Variants in CLCN7 observed in about 807,000 individuals in gnomAD.
CLCN7 encodes H(+)/Cl(-) exchange transporter 7.
Under a neutral mutation model 102.1 loss-of-function variants are expected in CLCN7, and 60 were observed. That is an observed-to-expected ratio of 0.59 (90% CI 0.48 to 0.73). The LOEUF is 0.73. Ranked by LOEUF, CLCN7 falls within the 30% of genes least tolerant of loss-of-function variation. The pLI is 0.00. For missense variants in CLCN7, 962 were observed against 1,125.7 expected (o/e 0.85, Z 2.08); for synonymous variants, 560 against 490.5 (o/e 1.14, Z -1.87).
chr16:1,455,711 A>G lies in CLCN7; in HGVS notation c.981+20T>C. ...GCAGCATGCACCCTGATCAGGAGGC[A>G]GCCATCAGCAGGAACTTACGATCCT... On this transcript the variant is annotated intron_variant, in intron 11 of 24. Transcript: ENST00000382745. The G allele has an allele frequency of 6.2e-7, 1 of 1,612,884 alleles. No homozygotes were observed. Among genetic ancestry groups the G allele is most frequent in the Non-Finnish European group, 8.5e-7 (1 of 1,179,178 alleles).
intron 17 of CLCN7, chr16:1,450,044 A>G (rs924463640): frequency 5.0e-6 from 1 of 198,144 alleles, no homozygotes; most frequent in African/African-American, 2.3e-5. Context: ...AACAGAAGAC[A>G]CATAAGAGAA....
chr16:1,458,334 T>C (rs1444571372), intron 7 of CLCN7, among the ~76,000 whole-genome samples: 1 of 152,238 alleles, frequency 6.6e-6, no homozygotes, highest in Non-Finnish European at 1.5e-5. Flanking sequence ...GAGGACTGTA[T>C]GTTAAAGATG....
chr16:1,465,133 C>G, intron 2 of CLCN7, 134 bp downstream of exon 2: 1 of 780,498 alleles, frequency 1.3e-6, no homozygotes, highest in Non-Finnish European at 2.2e-6. Context: ...ACCATGTCCC[C>G]CCAAGGAAAT....
At chr16:1,458,152 G>A (rs1050643415) in intron 7 of CLCN7, among the ~76,000 whole-genome samples, 2 of 152,218 alleles carry the variant, frequency 1.3e-5, no homozygotes, top group African/African-American at 4.8e-5. Context: ...GCACTGGAAG[G>A]CTGGTCACCT....
At chr16:1,462,944 T>C (rs1256922453) in intron 2 of CLCN7, among the ~76,000 whole-genome samples, 2 of 152,168 alleles carry the variant, frequency 1.3e-5, no homozygotes, top group Admixed American at 1.3e-4. Flanking sequence ...AAGGACTGCT[T>C]GAGGCCAGGA....
intron 1 of CLCN7, chr16:1,467,839 C>T (rs2039025987): frequency 6.6e-6 from 1 of 152,444 alleles, no homozygotes; most frequent in South Asian, 2.1e-4. Flanking sequence ...AATCCCAGCA[C>T]TTTGGGAGGC....
At chr16:1,454,873 C>T (rs2038809753) in intron 12 of CLCN7, among the ~76,000 whole-genome samples, 2 of 152,200 alleles carry the variant, frequency 1.3e-5, no homozygotes, top group Non-Finnish European at 2.9e-5. Context: ...GCACGTGCCC[C>T]CAGGCCGTGG....
chr16:1,465,433 C>G, intron 1 of CLCN7, 95 bp from the exon 2 acceptor site: 1 of 1,158,544 alleles, frequency 8.6e-7, no homozygotes. Flanking sequence ...CCTCGCCTGA[C>G]CCTGCCCGGG....
Position 1,472,235 on chromosome 16 carries a change from A to G in CLCN7, c.141+2599T>C, listed in dbSNP as rs150004127. On this transcript the variant is annotated intron_variant, in intron 1 of 24. Transcript: ENST00000382745. ...AGCTTACAATGACTTTTAAGGGAAT[A>G]GTTTTTTTATTTTTATTTTTGAGAT... 4.0e-3 allele frequency among the ~76,000 whole-genome samples: 602 copies of G among 152,288 alleles called. 3 individuals are homozygous for G. The highest frequency in any genetic ancestry group is 0.014 in the African/African-American group (573 of 41,538).
At chr16:1,473,978 G>A (rs1420583632) in intron 1 of CLCN7, among the ~76,000 whole-genome samples, 2 of 152,116 alleles carry the variant, frequency 1.3e-5, no homozygotes, top group Non-Finnish European at 2.9e-5. Flanking sequence ...CAGCTACTCA[G>A]GAGGCTGAGG....
Position 1,460,831 on chromosome 16 carries a change from T to C in CLCN7, c.469A>G (p.Arg157Gly). The change falls in exon 5 of 25, where the codon AGG (arginine) becomes GGG (glycine). Residue 157 changes from arginine (R) to glycine (G), a missense_variant. Physicochemically the swap from Arg to Gly is moderately radical, Grantham distance 125 (BLOSUM62 -2). Around this residue, in one of 2 missense-constraint regions of CLCN7, gnomAD observed 799 missense variants for 988.0 expected, o/e 0.81. Coordinates refer to ENST00000382745, the MANE Select transcript of CLCN7 (RefSeq NM_001287.6). ...GGAAGGATACTGCCCTTGATGACCC[T>C]GTACTTGAGGCCAGCCAGGTTTTCC... ...VVENLAGLKY[R>G]VIKGNIDKFT... 6.2e-7 allele frequency: 1 copy of C among 1,614,036 alleles called. No individual in the cohort carries two copies. The highest frequency in any genetic ancestry group is 2.2e-5 in the East Asian group (1 of 44,882).
chr16:1,449,400 A>G, intron 17 of CLCN7, 73 bp from the exon 18 acceptor site: 1 of 1,459,418 alleles, frequency 6.9e-7, no homozygotes, highest in Non-Finnish European at 9.4e-7. Context: ...CAGACGGAGG[A>G]GGCCCTGCCC....
intron 9 of CLCN7, among the ~76,000 whole-genome samples, chr16:1,456,722 T>A (rs1203737654): frequency 6.6e-6 from 1 of 151,192 alleles, no homozygotes. Flanking sequence ...GCACCTATAA[T>A]CCCAGCTACT....
chr16:1,446,646 C>A lies in CLCN7; in HGVS notation c.2403G>T (p.Ser801=), dbSNP rs948593358. The change falls in exon 25 of 25, where the codon TCG becomes TCT. Residue 801 remains serine, a synonymous_variant. Transcript: ENST00000382745. The part of the protein sequence containing the change: ...RLGKRGLEEL[S]LAQT ...GGGCTGGGCCTCACGTCTGGGCCAG[C>A]GAGAGCTCCTCCAAGCCTCTCTTTC... 2.5e-6 allele frequency: 4 copies of A among 1,569,546 alleles called. No individual in the cohort carries two copies. In the African/African-American group the frequency reaches 4.1e-5, roughly 16 times the overall value.
intron 14 of CLCN7, 23 bp downstream of exon 14, chr16:1,453,811 T>C (rs368092949): frequency 1.9e-6 from 3 of 1,612,192 alleles, no homozygotes; most frequent in Non-Finnish European, 2.5e-6. Context: ...GCCAACGCGA[T>C]ATGCAATGCG....
intron 6 of CLCN7, chr16:1,459,432 T>C: frequency 4.5e-6 from 2 of 449,312 alleles, no homozygotes; most frequent in Non-Finnish European, 4.0e-6. Context: ...AGCACACACG[T>C]CGGGGCATCA....
In CLCN7 at chr16:1,459,271, G is replaced by A; in HGVS notation, c.595-84C>T. The A allele has an allele frequency of 2.4e-6, 3 of 1,251,044 alleles. No individual in the cohort carries two copies. In the South Asian group the frequency reaches 3.7e-5, roughly 15 times the overall value. The allele number at this position is 1,251,044 out of a possible 1,614,324, so 77.5% of individuals were successfully genotyped here. ...CTCAGCCCCAGGAGCCCCAGGAGCTGAGGAGAGCAGCAGACACGTCGGGGC... is the reference window on the plus strand; with the variant it reads ...CTCAGCCCCAGGAGCCCCAGGAGCTAAGGAGAGCAGCAGACACGTCGGGGC... On this transcript the variant is annotated intron_variant, in intron 6 of 24. Transcript: ENST00000382745.
Position 1,457,741 on chromosome 16 carries a change from C to G in CLCN7, c.691G>C (p.Val231Leu). 6.2e-7 allele frequency: 1 copy of G among 1,613,910 alleles called. No individual in the cohort carries two copies. Among genetic ancestry groups the G allele is most frequent in the East Asian group, 2.2e-5 (1 of 44,880 alleles). Residue 231 changes from valine (V) to leucine (L), a missense_variant, in exon 8 of 25, where the codon GTG becomes CTG. Physicochemically the swap from Val to Leu is conservative, Grantham distance 32. This residue lies in a region of CLCN7 where 799 missense variants were observed against 988.0 expected (regional missense o/e 0.81). Coordinates refer to ENST00000382745, the MANE Select transcript of CLCN7 (RefSeq NM_001287.6). The surrounding 1 kb of genome is among the most constrained non-coding windows in gnomAD (Gnocchi z 5.4). Reference protein sequence around the residue: ...VVRLKTLVIKVSGVILSVVGG... With the variant: ...VVRLKTLVIKLSGVILSVVGG... ...ACCACGGACAGGATCACACCGGACA[C>G]TTTGATCACCAACGTCTGAAACACA...
At position 1,450,502 on chromosome 16, in the gene CLCN7, C is replaced by T; in HGVS notation, c.1612G>A (p.Ala538Thr). The T allele has an allele frequency of 6.2e-7, 1 of 1,602,360 alleles. No homozygotes were observed. Among genetic ancestry groups the T allele is most frequent in the Non-Finnish European group, 8.5e-7 (1 of 1,175,422 alleles). ...TCCCCTCCGGCCCCACTCACCGCCG[C>T]CCCCGTGAGGTAGGACAGGGAGATC... is the stretch of plus-strand genomic sequence containing the variant. ...FGISLSYLTGAAIWADPGKYA... is the reference protein window; with the variant it reads ...FGISLSYLTGTAIWADPGKYA... The change falls in exon 17 of 25, where the codon GCG (alanine) becomes ACG (threonine). Residue 538 changes from alanine to threonine, a missense_variant. Physicochemically the swap from Ala to Thr is moderately conservative, Grantham distance 58 (BLOSUM62 0). Around this residue, in one of 2 missense-constraint regions of CLCN7, gnomAD observed 799 missense variants for 988.0 expected, o/e 0.81. Transcript: ENST00000382745.
Sources: allele counts gnomAD v4.1 joint callset (sites outside exome capture counted in the v4.1 genomes callset), GRCh38; gene constraint gnomAD v4.1.1; regional missense constraint gnomAD v4.1.1; non-coding constraint Gnocchi (gnomAD v3.1); transcripts MANE v1.5; gene names NCBI Gene and HGNC (gene_info 2026-07-23, HGNC 2026-07-21).